Variants in ESRRG observed in about 807,000 individuals in gnomAD.
ESRRG encodes estrogen-related receptor gamma.
In ESRRG, 13 loss-of-function variants were observed where a neutral mutation model predicts 44.0. That is an observed-to-expected ratio of 0.30 (90% CI 0.19 to 0.47). The LOEUF (loss-of-function observed/expected upper bound fraction) is 0.47, where lower values mean the gene tolerates loss of function less well. Ranked by LOEUF, ESRRG falls within the 20% of genes least tolerant of loss-of-function variation. ESRRG has a pLI of 1.00. For synonymous variants in ESRRG, 215 were observed against 214.6 expected (o/e 1.00, Z -0.02); for missense variants, 395 against 580.6 (o/e 0.68, Z 3.29).
intron 2 of ESRRG, among the ~76,000 whole-genome samples, chr1:216,760,502 C>T (rs936619438): frequency 6.6e-6 from 1 of 151,908 alleles, no homozygotes; most frequent in Non-Finnish European, 1.5e-5. Flanking sequence ...ACTCAGGAGG[C>T]TGAGGTAGGA....
Position 216,707,294 on chromosome 1 carries a change from G to T in ESRRG, c.56+15950C>A, listed in dbSNP as rs2082643163. 110 of 1,511,090 alleles carry T rather than the reference G, an allele frequency of 7.3e-5. No homozygotes were observed. The South Asian group carries it at 9.0e-4, about 12-fold the overall frequency. The allele number at this position is 1,511,090 out of a possible 1,614,324, so 93.6% of individuals were successfully genotyped here. On this transcript the variant is annotated intron_variant, in intron 1 of 6. Transcript: ENST00000408911. ...TCAAACCATATACAAGTAACGTTGAGCATTTTAAGATTTAATGGCAACTTT... is the reference window on the plus strand; with the variant it reads ...TCAAACCATATACAAGTAACGTTGATCATTTTAAGATTTAATGGCAACTTT...
chr1:216,723,173 G>A (rs1403308198), intron 1 of ESRRG, 71 bp downstream of exon 1: 6 of 1,284,348 alleles, frequency 4.7e-6, no homozygotes, highest in African/African-American at 1.5e-5. Context: ...AGTGTGTAAA[G>A]ATATAGTCTG....
At chr1:216,932,724 T>G (rs952754054) in intron 2 of ESRRG, among the ~76,000 whole-genome samples, 2 of 144,034 alleles carry the variant, frequency 1.4e-5, no homozygotes, top group Non-Finnish European at 3.1e-5. Flanking sequence ...AACTTGTTTT[T>G]TTTTTTTTTT....
chr1:216,838,366 CACT>C (rs1439924925), intron 2 of ESRRG, among the ~76,000 whole-genome samples: 1 of 152,140 alleles, frequency 6.6e-6, no homozygotes, highest in Non-Finnish European at 1.5e-5. Flanking sequence ...AAGATCACAC[CACT>C]GACAGTTGGC....
intron 1 of ESRRG, among the ~76,000 whole-genome samples, chr1:216,949,181 CCTT>C (rs2066555528): frequency 6.6e-6 from 1 of 152,206 alleles, no homozygotes; most frequent in Non-Finnish European, 1.5e-5. Context: ...CCAGCTCCCT[CCTT>C]CTGGATTTAG....
Position 216,632,792 on chromosome 1 carries a change from T to C in ESRRG, c.589+18181A>G, listed in dbSNP as rs575691223. Among the ~76,000 whole-genome samples, 8 of 152,186 alleles carry C rather than the reference T, an allele frequency of 5.3e-5. No individual in the cohort carries two copies. The East Asian group carries it at 1.2e-3, about 22-fold the overall frequency. ...AAGTGGGGAGGTTCCCCAATATGTA[T>C]AAAGTCAATGCCCGAAAGAAAGTAA... On this transcript the variant is annotated intron_variant, in intron 3 of 6. Coordinates refer to ENST00000408911, the MANE Select transcript of ESRRG (RefSeq NM_001438.4).
chr1:216,974,795 A>AC (rs1046173776), intron 1 of ESRRG, among the ~76,000 whole-genome samples: 4 of 149,860 alleles, frequency 2.7e-5, no homozygotes, highest in South Asian at 2.1e-4. Context: ...TTCCCTCCCC[A>AC]CCCCCAGACT....
At position 216,786,740 on chromosome 1, in the gene ESRRG, C is replaced by A. The variant is rs1465205416; in HGVS notation, c.-13-109249G>T. Among the ~76,000 whole-genome samples, 6 of 152,236 alleles carry A rather than the reference C, an allele frequency of 3.9e-5. No individual in the cohort carries two copies. In the East Asian group the frequency reaches 1.2e-3, roughly 29 times the overall value. ...ATCAAATTCCAGTCTGATTTCTTTA[C>A]AGAGGCATTGGAGTTAGCCAGGTAA... is the stretch of plus-strand genomic sequence containing the variant. On this transcript the variant is annotated intron_variant, in intron 2 of 7. Transcript: ENST00000359162.
At chr1:216,714,231 C>T (rs2084293917) in intron 1 of ESRRG, among the ~76,000 whole-genome samples, 1 of 152,156 alleles carries the variant, frequency 6.6e-6, no homozygotes, top group Non-Finnish European at 1.5e-5. Flanking sequence ...TGAAGGCAAT[C>T]TCTTTGGAAT....
At chr1:216,537,403 T>C (rs1337949959) in intron 5 of ESRRG, among the ~76,000 whole-genome samples, 1 of 152,068 alleles carries the variant, frequency 6.6e-6, no homozygotes, top group African/African-American at 2.4e-5. Flanking sequence ...GGTATTTTTG[T>C]CGTAACAGCC....
At chr1:216,653,098 C>A (rs540605957) in intron 2 of ESRRG, among the ~76,000 whole-genome samples, 1 of 152,314 alleles carries the variant, frequency 6.6e-6, no homozygotes, top group South Asian at 2.1e-4. Context: ...CACCTTTAAC[C>A]CAGTGCTAAA....
At chr1:216,740,735 A>G (rs2090575129) in intron 2 of ESRRG, among the ~76,000 whole-genome samples, 1 of 152,072 alleles carries the variant, frequency 6.6e-6, no homozygotes, top group Non-Finnish European at 1.5e-5. Flanking sequence ...TATCACCGAC[A>G]GAGGAACTAA....
intron 3 of ESRRG, among the ~76,000 whole-genome samples, chr1:216,628,862 C>T (rs1454940299): frequency 6.6e-6 from 1 of 152,234 alleles, no homozygotes; most frequent in East Asian, 1.9e-4. Context: ...TCACTAGTAA[C>T]CTGCTTCTTC....
At chr1:217,079,142 AAG>A (rs1235811229) in intron 1 of ESRRG, among the ~76,000 whole-genome samples, 1 of 152,186 alleles carries the variant, frequency 6.6e-6, no homozygotes, top group Non-Finnish European at 1.5e-5. Flanking sequence ...GACAGAGAAA[AAG>A]AGAGAGACAG....
At chr1:216,736,073 A>G (rs200665190) in intron 2 of ESRRG, among the ~76,000 whole-genome samples, 1 of 111,322 alleles carries the variant, frequency 9.0e-6, no homozygotes, top group East Asian at 2.4e-4. Flanking sequence ...AGATGAGAAC[A>G]GGGGGGGAGT....
intron 1 of ESRRG, among the ~76,000 whole-genome samples, chr1:217,130,420 G>A (rs927878486): frequency 2.6e-5 from 4 of 151,892 alleles, no homozygotes; most frequent in Non-Finnish European, 5.9e-5. Flanking sequence ...TCTTTTTTTA[G>A]ACAAGGGATC....
intron 2 of ESRRG, among the ~76,000 whole-genome samples, chr1:216,760,844 C>G (rs2152340071): frequency 6.6e-6 from 1 of 152,172 alleles, no homozygotes; most frequent in African/African-American, 2.4e-5. Flanking sequence ...AGGATAGACA[C>G]TCTACTAGAC....
chr1:217,023,797 C>G (rs2080745925), intron 1 of ESRRG, among the ~76,000 whole-genome samples: 1 of 152,026 alleles, frequency 6.6e-6, no homozygotes, highest in Admixed American at 6.5e-5. Context: ...AGAGTATTTA[C>G]CCACCCAATA....
chr1:216,926,074 G>C (rs1177605878), intron 2 of ESRRG, among the ~76,000 whole-genome samples: 2 of 152,152 alleles, frequency 1.3e-5, no homozygotes, highest in African/African-American at 4.8e-5. Flanking sequence ...CCTGAAATCT[G>C]GTACAGATCT....
Sources: allele counts gnomAD v4.1 joint callset (sites outside exome capture counted in the v4.1 genomes callset), GRCh38; gene constraint gnomAD v4.1.1; transcripts MANE v1.5; gene names NCBI Gene and HGNC (gene_info 2026-07-23, HGNC 2026-07-21).